Variants in TRABD2A observed in about 807,000 individuals in gnomAD.
TRABD2A encodes the protein metalloprotease TIKI1.
TRABD2A carries 43 observed loss-of-function variants against 45.6 expected under a neutral mutation model. The ratio of observed to expected loss-of-function variants is 0.94; its 90% CI spans 0.74 to 1.22. The LOEUF (loss-of-function observed/expected upper bound fraction) is 1.22. Ranked by LOEUF, TRABD2A falls within the 50% of genes most tolerant of loss-of-function variation. The pLI is 0.00. For synonymous variants in TRABD2A, 269 were observed against 265.0 expected (o/e 1.02, Z -0.15); for missense variants, 642 against 652.4 (o/e 0.98, Z 0.17).
rs1681721294 is a variant in TRABD2A, at chr2:84,841,847, G to T, written c.816+14C>A. The T allele has an allele frequency of 6.6e-7, 1 of 1,508,474 alleles. No homozygotes were observed. Among genetic ancestry groups the T allele is most frequent in the Non-Finnish European group, 8.8e-7 (1 of 1,130,592 alleles). The allele number at this position is 1,508,474 out of a possible 1,614,324, so 93.4% of individuals were successfully genotyped here. A position where few individuals can be genotyped will look rare whatever the true frequency, so the allele number is the denominator to read the frequency against. On this transcript the variant is annotated intron_variant, in intron 3 of 6. Transcript: ENST00000409520. ...AAATGTGTGCTGAGCTTGGCAGGGG[G>T]AAAGGGTGCTCACCTGGGAGCTGTC...
chr2:84,860,505 C>A (rs1394788098), intron 2 of TRABD2A, among the ~76,000 whole-genome samples: 17 of 152,198 alleles, frequency 1.1e-4, no homozygotes, highest in Admixed American at 1.1e-3. Context: ...CTTCTAGCCT[C>A]TAGAATCATG....
chr2:84,877,513 G>A (rs1573960174), intron 1 of TRABD2A, among the ~76,000 whole-genome samples: 1 of 152,210 alleles, frequency 6.6e-6, no homozygotes, highest in African/African-American at 2.4e-5. Context: ...GCTGAGGCAG[G>A]AGGACCATTT....
intron 2 of TRABD2A, among the ~76,000 whole-genome samples, chr2:84,863,239 C>CTTTTTTTTTTTTTTTGTTTT (rs1682555720): frequency 1.0e-5 from 1 of 98,132 alleles, no homozygotes; most frequent in Non-Finnish European, 1.9e-5. Context: ...TCATGTGAAT[C>CTTTTTTTTTTTTTTTGTTTT]TTTTTTTTTT....
intron 2 of TRABD2A, among the ~76,000 whole-genome samples, chr2:84,848,228 G>T (rs746393106): frequency 3.9e-5 from 6 of 152,010 alleles, no homozygotes; most frequent in Non-Finnish European, 7.4e-5. Context: ...TTTAAACAGT[G>T]TAAAGAAATA....
Position 84,880,994 on chromosome 2 carries a change from G to A in TRABD2A, c.46C>T (p.Pro16Ser), listed in dbSNP as rs1683188234. ...CCGCGCCGCGAAGCTGCGCCCGTGG[G>A]CAGGAGGCAGAGGGTCTGCAGCAGG... ...WFLLQTLCLL[P>S]TGAASRRGAP... is the part of the protein sequence containing the mutation. Residue 16 changes from proline to serine, a missense_variant, in exon 1 of 7, where the codon CCC (proline) becomes TCC (serine). Transcript: ENST00000409520. 3.1e-6 allele frequency: 5 copies of A among 1,605,818 alleles called. No homozygotes were observed. In the African/African-American group the frequency reaches 4.0e-5, roughly 13 times the overall value.
At chr2:84,841,700 C>T (rs879201639) in intron 3 of TRABD2A, among the ~76,000 whole-genome samples, 161 bp downstream of exon 3, 16 of 152,344 alleles carry the variant, frequency 1.1e-4, no homozygotes, top group Admixed American at 7.2e-4. Flanking sequence ...AGCTTTCATT[C>T]GCTGTAGTGC....
At chr2:84,846,807 G>T (rs1024090237) in intron 2 of TRABD2A, among the ~76,000 whole-genome samples, 1 of 152,254 alleles carries the variant, frequency 6.6e-6, no homozygotes, top group Non-Finnish European at 1.5e-5. Context: ...TGAAGAAACA[G>T]TCTCTGAGTG....
intron 1 of TRABD2A, among the ~76,000 whole-genome samples, chr2:84,874,278 C>T (rs996601350): frequency 1.3e-5 from 2 of 152,206 alleles, no homozygotes; most frequent in Admixed American, 6.5e-5. Context: ...CACACACACA[C>T]GCACATACAC....
rs1681723276 is a variant in TRABD2A, at chr2:84,841,899, C to T, written c.778G>A (p.Asp260Asn). 1.3e-6 allele frequency: 2 copies of T among 1,546,666 alleles called. No homozygotes were observed. The highest frequency in any genetic ancestry group is 2.4e-5 in the East Asian group (1 of 40,828). Residue 260 changes from aspartate to asparagine, a missense_variant, in exon 3 of 7, where the codon GAC becomes AAC. Coordinates refer to ENST00000409520, the MANE Select transcript of TRABD2A (RefSeq NM_001277053.2). ...TGGCTGAGGATGACGGAGCTGAGGT[C>T]CCCGCAGTTATAGTGTTTGATGAGA... ...EDLIKHYNCG[D>N]LSSVILSHDS...
Position 84,880,955 on chromosome 2 carries a change from C to A in TRABD2A, c.85G>T (p.Ala29Ser). The A allele has an allele frequency of 3.1e-6, 5 of 1,597,488 alleles. No individual in the cohort carries two copies. The highest frequency in any genetic ancestry group is 4.3e-6 in the Non-Finnish European group (5 of 1,172,860). Reference protein sequence around the residue: ...AASRRGAPGTANCELKPQQSE... With the variant: ...AASRRGAPGTSNCELKPQQSE... Reference sequence around the variant, plus strand: ...ACTTGGGGCTTGAGCTCGCAGTTGGCGGTGCCGGGCGCCCCGCGCCGCGAA... The same window carrying A: ...ACTTGGGGCTTGAGCTCGCAGTTGGAGGTGCCGGGCGCCCCGCGCCGCGAA... The change falls in exon 1 of 7, where the codon GCC (alanine) becomes TCC (serine). Residue 29 changes from alanine to serine, a missense_variant. Ala to Ser is a moderately conservative substitution (Grantham distance 99). Coordinates refer to ENST00000409520, the MANE Select transcript of TRABD2A (RefSeq NM_001277053.2).
intron 1 of TRABD2A, among the ~76,000 whole-genome samples, chr2:84,880,265 T>A (rs991151761): frequency 2.0e-5 from 3 of 151,920 alleles, no homozygotes; most frequent in African/African-American, 7.3e-5. Flanking sequence ...GGCAGGTCAC[T>A]GAGCCTCCCT....
chr2:84,874,266 A>AAC (rs986733144), intron 1 of TRABD2A, among the ~76,000 whole-genome samples: 3 of 152,200 alleles, frequency 2.0e-5, no homozygotes, highest in African/African-American at 4.8e-5. Flanking sequence ...TAAATTTAAA[A>AAC]ACACACACAC....
chr2:84,879,521 A>C (rs2105417968), intron 1 of TRABD2A: 2 of 902,506 alleles, frequency 2.2e-6, no homozygotes, highest in East Asian at 1.2e-4. Flanking sequence ...TCCTGAGACC[A>C]AAAGGTAGGA....
rs1456270556 is a variant in TRABD2A, at chr2:84,880,803, G to T, written c.108+129C>A. 5.1e-6 allele frequency: 7 copies of T among 1,383,048 alleles called. No individual in the cohort carries two copies. In the Admixed American group the frequency reaches 1.5e-4, roughly 29 times the overall value. The allele number at this position is 1,383,048 out of a possible 1,614,324, so 85.7% of individuals were successfully genotyped here. ...AGGAGAGCGAGCAAGGAGCGCCGCG[G>T]TGCTAGGTGAAAGCCCAGCCGCGGA... On this transcript the variant is annotated intron_variant, in intron 1 of 6. Transcript: ENST00000409520.
At chr2:84,867,380 A>C (rs1466534184) in intron 2 of TRABD2A, among the ~76,000 whole-genome samples, 1 of 152,220 alleles carries the variant, frequency 6.6e-6, no homozygotes, top group East Asian at 1.9e-4. Flanking sequence ...CTGGCTAGCC[A>C]TATGTAGAAA....
At position 84,821,798 on chromosome 2, in the gene TRABD2A, T is replaced by A; in HGVS notation, c.*119A>T. Reference sequence around the variant, plus strand: ...AAGAGAAGAATCAACACTGGGCCGCTTTTTCAAGAGCAGTCTCTTCTGGAT... The same window carrying A: ...AAGAGAAGAATCAACACTGGGCCGCATTTTCAAGAGCAGTCTCTTCTGGAT... On this transcript the variant is annotated 3_prime_UTR_variant, in exon 7 of 7. Transcript: ENST00000409520. 1 of 1,135,726 alleles carries A rather than the reference T, an allele frequency of 8.8e-7. No individual in the cohort carries two copies. The highest frequency in any genetic ancestry group is 1.2e-6 in the Non-Finnish European group (1 of 859,404). The allele number at this position is 1,135,726 out of a possible 1,614,324, so 70.4% of individuals were successfully genotyped here.
chr2:84,851,122 T>C (rs1682079567), intron 2 of TRABD2A: 2 of 152,272 alleles, frequency 1.3e-5, no homozygotes, highest in Admixed American at 1.3e-4. Context: ...AAAGGCCTTA[T>C]TTATTGAGAA....
At chr2:84,846,766 A>G (rs757507057) in intron 2 of TRABD2A, among the ~76,000 whole-genome samples, 1 of 152,138 alleles carries the variant, frequency 6.6e-6, no homozygotes, top group Non-Finnish European at 1.5e-5. Flanking sequence ...ACTGAAACAG[A>G]CTCCTTGGAG....
At chr2:84,875,412 G>A (rs1682996422) in intron 1 of TRABD2A, among the ~76,000 whole-genome samples, 1 of 152,198 alleles carries the variant, frequency 6.6e-6, no homozygotes, top group Admixed American at 6.5e-5. Context: ...AGGGATAGCT[G>A]AACAGAAAAG....
Sources: allele counts gnomAD v4.1 joint callset (sites outside exome capture counted in the v4.1 genomes callset), GRCh38; gene constraint gnomAD v4.1.1; transcripts MANE v1.5; gene names NCBI Gene and HGNC (gene_info 2026-07-23, HGNC 2026-07-21).